Variants in RAPGEF5 observed in about 807,000 individuals in gnomAD.
RAPGEF5 encodes the protein M-Ras-regulated GEF.
RAPGEF5 carries 65 observed loss-of-function variants against 125.2 expected under a neutral mutation model. The ratio of observed to expected loss-of-function variants is 0.52; its 90% CI spans 0.43 to 0.64. The LOEUF (loss-of-function observed/expected upper bound fraction) is 0.64, where lower values mean the gene tolerates loss of function less well. Among genes scored for constraint, RAPGEF5 ranks in the 30% least tolerant of loss-of-function variants. The probability of loss-of-function intolerance (pLI) is 0.00; values close to 1 mark genes in which losing one functional copy is unlikely to be tolerated. For synonymous variants in RAPGEF5, 391 were observed against 385.9 expected (o/e 1.01, Z -0.16); for missense variants, 958 against 1,048.1 (o/e 0.91, Z 1.19).
At chr7:22,198,298 G>A (rs1351986970) in intron 9 of RAPGEF5, among the ~76,000 whole-genome samples, 2 of 152,196 alleles carry the variant, frequency 1.3e-5, no homozygotes, top group Non-Finnish European at 2.9e-5. Flanking sequence ...CAGGGCACTG[G>A]CCTGCCCTGC....
At chr7:22,149,319 C>T (rs1203863326) in intron 18 of RAPGEF5, among the ~76,000 whole-genome samples, 2 of 152,218 alleles carry the variant, frequency 1.3e-5, no homozygotes, top group African/African-American at 2.4e-5. Flanking sequence ...TTTGGGTTAA[C>T]CTACGTGGTA....
chr7:22,139,688 G>C (rs1783194223), intron 21 of RAPGEF5: 1 of 185,856 alleles, frequency 5.4e-6, no homozygotes, highest in South Asian at 1.7e-4. Context: ...CTGCAAGTGA[G>C]AGGCCTCGAA....
At chr7:22,278,545 C>CTAA (rs1445841268) in intron 6 of RAPGEF5, among the ~76,000 whole-genome samples, 9 of 151,784 alleles carry the variant, frequency 5.9e-5, no homozygotes, top group Admixed American at 5.9e-4. Flanking sequence ...GTCCAAAGAG[C>CTAA]TAATCCTAAA....
chr7:22,270,981 A>C (rs1782402909), intron 6 of RAPGEF5, among the ~76,000 whole-genome samples: 2 of 152,198 alleles, frequency 1.3e-5, no homozygotes, highest in South Asian at 4.1e-4. Context: ...AGGACTGTGA[A>C]TAAGGGACTG....
intron 24 of RAPGEF5, among the ~76,000 whole-genome samples, chr7:22,126,810 A>C (rs1367100919): frequency 1.3e-5 from 2 of 151,674 alleles, no homozygotes; most frequent in African/African-American, 4.8e-5. Context: ...TTTAGTAGAG[A>C]TGGGGTTTCA....
At chr7:22,220,488 T>A (rs1363856337) in intron 8 of RAPGEF5, among the ~76,000 whole-genome samples, 1 of 152,152 alleles carries the variant, frequency 6.6e-6, no homozygotes, top group Non-Finnish European at 1.5e-5. Context: ...GATCACAAGA[T>A]AATTTTTTTC....
At chr7:22,208,587 T>C (rs1479984866) in intron 9 of RAPGEF5, among the ~76,000 whole-genome samples, 1 of 152,188 alleles carries the variant, frequency 6.6e-6, no homozygotes, top group Non-Finnish European at 1.5e-5. Flanking sequence ...CTCTGGCTCA[T>C]CACACTCAGC....
intron 11 of RAPGEF5, among the ~76,000 whole-genome samples, chr7:22,175,301 G>A (rs1477496467): frequency 6.6e-6 from 1 of 152,122 alleles, no homozygotes; most frequent in Non-Finnish European, 1.5e-5. Flanking sequence ...TTGGTGAATG[G>A]TGGGGGCATA....
rs183281174 is a variant in RAPGEF5, at chr7:22,132,754, G to C, written c.2417-1653C>G. On this transcript the variant is annotated intron_variant, in intron 23 of 25. Coordinates refer to ENST00000665637, the MANE Select transcript of RAPGEF5 (RefSeq NM_012294.5). ...CCCCTCTTCCTAGGGATGATGAGGAGGGCAGTGGCAATAATGACATCTTAC... is the reference window on the plus strand; with the variant it reads ...CCCCTCTTCCTAGGGATGATGAGGACGGCAGTGGCAATAATGACATCTTAC... 3.9e-5 allele frequency among the ~76,000 whole-genome samples: 6 copies of C among 152,288 alleles called. 1 individual carries two copies. The East Asian group carries it at 1.2e-3, about 29-fold the overall frequency.
intron 7 of RAPGEF5, among the ~76,000 whole-genome samples, chr7:22,247,508 C>T (rs1024218176): frequency 1.3e-5 from 2 of 152,160 alleles, no homozygotes; most frequent in South Asian, 2.1e-4. Flanking sequence ...AGTTCCCACA[C>T]ACACTCTCTT....
intron 5 of RAPGEF5, among the ~76,000 whole-genome samples, chr7:22,305,584 T>TA (rs1783317809): frequency 6.6e-6 from 1 of 152,194 alleles, no homozygotes; most frequent in South Asian, 2.1e-4. Flanking sequence ...TAAGCTATTT[T>TA]AAAATGCACA....
At position 22,206,590 on chromosome 7, in the gene RAPGEF5, C is replaced by T. The variant is rs1307743303; in HGVS notation, c.997-12557G>A. Among the ~76,000 whole-genome samples, 4 of 151,174 alleles carry T rather than the reference C, an allele frequency of 2.6e-5. No homozygotes were observed. In the East Asian group the frequency reaches 7.8e-4, roughly 30 times the overall value. On this transcript the variant is annotated intron_variant, in intron 9 of 25. Coordinates refer to ENST00000665637, the MANE Select transcript of RAPGEF5 (RefSeq NM_012294.5). ...TGGTAGTACATGCCTGTAGTCTCAGCTACTCTGGAGGCTGAGGTGGGAGGA... is the reference window on the plus strand; with the variant it reads ...TGGTAGTACATGCCTGTAGTCTCAGTTACTCTGGAGGCTGAGGTGGGAGGA...
At chr7:22,172,133 T>C (rs1263821333) in intron 11 of RAPGEF5, among the ~76,000 whole-genome samples, 4 of 151,504 alleles carry the variant, frequency 2.6e-5, no homozygotes, top group South Asian at 4.2e-4. Flanking sequence ...TTTTTGGGGG[T>C]TTTTTTTGAG....
At chr7:22,331,756 A>G (rs1468718835) in intron 1 of RAPGEF5, among the ~76,000 whole-genome samples, 3 of 151,508 alleles carry the variant, frequency 2.0e-5, no homozygotes, top group Admixed American at 2.0e-4. Flanking sequence ...AAAAAAAAAA[A>G]AAAAAGAAAA....
intron 1 of RAPGEF5, among the ~76,000 whole-genome samples, chr7:22,345,303 A>T (rs1784201233): frequency 6.6e-6 from 1 of 152,186 alleles, no homozygotes; most frequent in Non-Finnish European, 1.5e-5. Flanking sequence ...ATTTCTACCA[A>T]TATAACCAGT....
intron 1 of RAPGEF5, among the ~76,000 whole-genome samples, chr7:22,339,403 C>T (rs539697504): frequency 3.3e-5 from 5 of 152,344 alleles, no homozygotes; most frequent in Admixed American, 2.6e-4. Flanking sequence ...GACAGCTCCC[C>T]TGAAGAGCGT....
chr7:22,262,451 G>C (rs1782179304), intron 7 of RAPGEF5, among the ~76,000 whole-genome samples: 2 of 152,196 alleles, frequency 1.3e-5, no homozygotes, highest in Non-Finnish European at 2.9e-5. Context: ...GAATCTGAGA[G>C]ACTTTGGAGC....
At chr7:22,237,339 T>C (rs962827873) in intron 7 of RAPGEF5, among the ~76,000 whole-genome samples, 3 of 151,482 alleles carry the variant, frequency 2.0e-5, no homozygotes, top group Admixed American at 1.3e-4. Context: ...GTCCCATAGA[T>C]AGTTTTTGTT....
At chr7:22,353,584 G>A (rs1784368137) in intron 1 of RAPGEF5, among the ~76,000 whole-genome samples, 1 of 152,076 alleles carries the variant, frequency 6.6e-6, no homozygotes, top group Admixed American at 6.5e-5. Flanking sequence ...AAGCACAGGT[G>A]TTCATTATAC....
Sources: gnomAD v4.1 joint callset for allele counts (sites outside exome capture counted in the v4.1 genomes callset) on GRCh38, gnomAD v4.1.1 for gene constraint, MANE v1.5 for transcripts, NCBI Gene and HGNC (gene_info 2026-07-23, HGNC 2026-07-21) for gene names.